The following PKP4 variants were observed in gnomAD, a reference collection of about 807,000 sequenced individuals.
PKP4 encodes plakophilin 4, also known as plakophilin-4.
PKP4 carries 90 observed loss-of-function variants against 145.1 expected under a neutral mutation model. That is an observed-to-expected ratio of 0.62 (90% CI 0.52 to 0.74). The LOEUF (loss-of-function observed/expected upper bound fraction) is 0.74. Among genes scored for constraint, PKP4 ranks in the 30% least tolerant of loss-of-function variants. The pLI, the probability that PKP4 is intolerant of heterozygous loss-of-function variation, is 0.00. For missense variants in PKP4, 1,340 were observed against 1,482.7 expected, an observed-to-expected ratio of 0.90 and a Z score of 1.58; for synonymous variants, 563 against 577.2, an observed-to-expected ratio of 0.98 and a Z score of 0.35.
intron 3 of PKP4, among the ~76,000 whole-genome samples, chr2:158,594,951 C>T (rs1029448551): frequency 2.6e-5 from 4 of 152,146 alleles, no homozygotes; most frequent in African/African-American, 7.2e-5. Context: ...ACTGTCTTCA[C>T]GTGTTGACCT....
At chr2:158,655,679 A>G (rs1433382769) in intron 11 of PKP4, among the ~76,000 whole-genome samples, 3 of 152,248 alleles carry the variant, frequency 2.0e-5, no homozygotes, top group Admixed American at 6.5e-5. Flanking sequence ...TCTGCCATGC[A>G]TTGAGGAATT....
At chr2:158,508,623 T>C (rs2041223511) in intron 1 of PKP4, among the ~76,000 whole-genome samples, 1 of 152,184 alleles carries the variant, frequency 6.6e-6, no homozygotes, top group Non-Finnish European at 1.5e-5. Flanking sequence ...TTCTACTCCA[T>C]CAAAGTGCCA....
intron 4 of PKP4, among the ~76,000 whole-genome samples, chr2:158,605,884 A>G (rs1558874974): frequency 6.6e-6 from 1 of 152,184 alleles, no homozygotes; most frequent in South Asian, 2.1e-4. Flanking sequence ...TCAGTTGAAT[A>G]GAATCATACA....
intron 1 of PKP4, among the ~76,000 whole-genome samples, chr2:158,479,424 A>T (rs1023060895): frequency 6.6e-6 from 1 of 152,050 alleles, no homozygotes; most frequent in Admixed American, 6.5e-5. Context: ...GGGTTTTGCC[A>T]TGTTGCCCAG....
chr2:158,663,004 A>C lies in PKP4; in HGVS notation c.2319A>C (p.Gly773=). 1 of 1,614,002 alleles carries C rather than the reference A, an allele frequency of 6.2e-7. No homozygotes were observed. The highest frequency in any genetic ancestry group is 8.5e-7 in the Non-Finnish European group (1 of 1,179,928). ...TGAACGAATTGGATGACTTACTAGG[A>C]AAAGAGTCTCCCAGCAAAGACTCTG... ...LGLNELDDLL[G]KESPSKDSEP... Residue 773 remains glycine, a synonymous_variant, in exon 14 of 22, where the codon GGA becomes GGC. Transcript: ENST00000389759.
chr2:158,572,444 G>T (rs1161272521), intron 2 of PKP4, among the ~76,000 whole-genome samples: 3 of 152,212 alleles, frequency 2.0e-5, no homozygotes, highest in Non-Finnish European at 4.4e-5. Flanking sequence ...AAATGCAAAT[G>T]AGAATCCTAA....
intron 1 of PKP4, among the ~76,000 whole-genome samples, chr2:158,529,071 ACT>A (rs911184277): frequency 5.3e-5 from 8 of 152,126 alleles, no homozygotes; most frequent in African/African-American, 1.4e-4. Context: ...CATCATCGAG[ACT>A]CTGATTAAAG....
intron 4 of PKP4, among the ~76,000 whole-genome samples, chr2:158,614,815 C>G (rs886640975): frequency 1.3e-5 from 2 of 152,100 alleles, no homozygotes; most frequent in Non-Finnish European, 2.9e-5. Flanking sequence ...AAATGTGCTA[C>G]TATCTAAAAT....
chr2:158,619,725 A>G (rs2052011035), intron 4 of PKP4, among the ~76,000 whole-genome samples: 1 of 152,196 alleles, frequency 6.6e-6, no homozygotes, highest in Non-Finnish European at 1.5e-5. Context: ...TTTACTGAGC[A>G]CCTACTGAGT....
intron 2 of PKP4, among the ~76,000 whole-genome samples, chr2:158,561,677 T>C (rs2046527420): frequency 6.6e-6 from 1 of 152,234 alleles, no homozygotes; most frequent in African/African-American, 2.4e-5. Flanking sequence ...GTTACATGAG[T>C]GCTCGTCGCA....
intron 1 of PKP4, among the ~76,000 whole-genome samples, chr2:158,491,884 C>G (rs531146447): frequency 1.4e-5 from 2 of 145,056 alleles, no homozygotes; most frequent in East Asian, 3.9e-4. Flanking sequence ...CAGCTTCGAC[C>G]TCCCAGGCTC....
intron 13 of PKP4, chr2:158,661,654 G>GAGTGGCTTGGTGTGGT: frequency 2.2e-6 from 1 of 451,088 alleles, no homozygotes; most frequent in South Asian, 2.3e-5. Context: ...CGTGAGAACA[G>GAGTGGCTTGGTGTGGT]AGTGGCTTGG....
At chr2:158,485,994 A>G (rs923192113) in intron 1 of PKP4, among the ~76,000 whole-genome samples, 1 of 152,178 alleles carries the variant, frequency 6.6e-6, no homozygotes, top group African/African-American at 2.4e-5. Flanking sequence ...TGGCCACATT[A>G]AATTTTTTTT....
At chr2:158,638,585 C>G (rs952549614) in intron 9 of PKP4, among the ~76,000 whole-genome samples, 2 of 152,140 alleles carry the variant, frequency 1.3e-5, no homozygotes, top group Non-Finnish European at 2.9e-5. Context: ...CCATCTCACA[C>G]CTGACTTCAG....
At chr2:158,661,310 T>A (rs2056559238) in intron 12 of PKP4, 23 bp from the exon 13 acceptor site, 1 of 1,557,442 alleles carries the variant, frequency 6.4e-7, no homozygotes, top group Non-Finnish European at 8.9e-7. Flanking sequence ...TCTCAGCAGC[T>A]CCTCCTGTCT....
At chr2:158,520,175 A>G (rs2042252695) in intron 1 of PKP4, among the ~76,000 whole-genome samples, 1 of 152,200 alleles carries the variant, frequency 6.6e-6, no homozygotes, top group Admixed American at 6.5e-5. Context: ...GGGCAAGTCA[A>G]TGCTGCATAA....
intron 1 of PKP4, among the ~76,000 whole-genome samples, chr2:158,490,289 T>C (rs561036615): frequency 6.6e-6 from 1 of 151,608 alleles, no homozygotes; most frequent in East Asian, 1.9e-4. Flanking sequence ...GCTTTTGTTG[T>C]CCATCTTTCC....
At chr2:158,522,330 A>G (rs1268380603) in intron 1 of PKP4, among the ~76,000 whole-genome samples, 3 of 152,258 alleles carry the variant, frequency 2.0e-5, no homozygotes, top group Non-Finnish European at 1.5e-5. Context: ...CCTATATATT[A>G]CATCTATAAT....
chr2:158,546,732 T>A (rs1355473856), intron 2 of PKP4, among the ~76,000 whole-genome samples: 1 of 152,150 alleles, frequency 6.6e-6, no homozygotes, highest in African/African-American at 2.4e-5. Context: ...AGCAAGGGGA[T>A]GTGATTTACA....
Sources: allele counts gnomAD v4.1 joint callset (sites outside exome capture counted in the v4.1 genomes callset), GRCh38; gene constraint gnomAD v4.1.1; transcripts MANE v1.5; gene names NCBI Gene and HGNC (gene_info 2026-07-23, HGNC 2026-07-21).